The following BBS5 variants were observed in gnomAD, a reference collection of about 807,000 sequenced individuals.
BBS5 encodes the protein Bardet-Biedl syndrome 5.
Under a neutral mutation model 50.2 loss-of-function variants are expected in BBS5, and 39 were observed. The observed-to-expected ratio is 0.78, with a 90% confidence interval of 0.60 to 1.01. The LOEUF (loss-of-function observed/expected upper bound fraction) is 1.01. Ranked by LOEUF, BBS5 falls within the 50% of genes least tolerant of loss-of-function variation. The pLI is 0.00. For missense variants in BBS5, 356 were observed against 401.5 expected (o/e 0.89, Z 0.97); for synonymous variants, 134 against 133.1 (o/e 1.01, Z -0.05).
At position 169,503,855 on chromosome 2, in the gene BBS5, T is replaced by C. The variant is rs1359666210; in HGVS notation, c.901-448T>C. Among the ~76,000 whole-genome samples the C allele has an allele frequency of 7.9e-5, 12 of 152,342 alleles. No individual in the cohort carries two copies. In the East Asian group the frequency reaches 2.3e-3, roughly 29 times the overall value. On this transcript the variant is annotated intron_variant, in intron 10 of 11. Transcript: ENST00000295240. ...AGGTGTGAAATTAGTATAAAATAAT[T>C]ATAAACTACTACTGCCTCAAACTGT...
At chr2:169,481,882 C>T (rs912819344) in intron 1 of BBS5, among the ~76,000 whole-genome samples, 5 of 152,162 alleles carry the variant, frequency 3.3e-5, no homozygotes, top group African/African-American at 1.2e-4. Context: ...CTTAGTTATC[C>T]AACAATATTT....
chr2:169,497,906 CA>C (rs1683725085), intron 8 of BBS5, among the ~76,000 whole-genome samples: 1 of 152,154 alleles, frequency 6.6e-6, no homozygotes, highest in Non-Finnish European at 1.5e-5. Context: ...CATTTGTGAT[CA>C]TCACTTATTA....
At chr2:169,488,549 C>A (rs545157061) in intron 5 of BBS5, among the ~76,000 whole-genome samples, 4 of 152,336 alleles carry the variant, frequency 2.6e-5, no homozygotes, top group African/African-American at 7.2e-5. Flanking sequence ...CACTCACCCC[C>A]CAACCACTCA....
chr2:169,492,818 A>G, intron 5 of BBS5, 56 bp from the exon 6 acceptor site: 1 of 1,507,824 alleles, frequency 6.6e-7, no homozygotes, highest in Non-Finnish European at 9.1e-7. Context: ...AGTAAACATA[A>G]CCCAAGAAAA....
intron 9 of BBS5, among the ~76,000 whole-genome samples, chr2:169,502,501 T>C (rs1574344315): frequency 6.6e-6 from 1 of 152,342 alleles, no homozygotes; most frequent in South Asian, 2.1e-4. Flanking sequence ...CAACATAATA[T>C]TTAGTTATCG....
Position 169,487,853 on chromosome 2 carries a change from T to G in BBS5, c.256T>G (p.Ser86Ala), listed in dbSNP as rs1345821578. The change falls in exon 4 of 12, where the codon TCT (serine) becomes GCT (alanine). Residue 86 changes from serine (S) to alanine (A), a missense_variant and splice_region_variant. Ser to Ala is a moderately conservative substitution (Grantham distance 99, BLOSUM62 1). Coordinates refer to ENST00000295240, the MANE Select transcript of BBS5 (RefSeq NM_152384.3). ...GAATATTACAACAAGGACTGCTAAC[T>G]CTGTAAGTCTAAAAAATCTTATTGC... ...ILNITTRTAN[S>A]KLRGQTEALY... 1.2e-6 allele frequency: 2 copies of G among 1,604,136 alleles called. No individual in the cohort carries two copies. The highest frequency in any genetic ancestry group is 1.7e-6 in the Non-Finnish European group (2 of 1,171,794).
At chr2:169,495,858 A>G (rs1392247118) in intron 7 of BBS5, among the ~76,000 whole-genome samples, 4 of 152,104 alleles carry the variant, frequency 2.6e-5, no homozygotes, top group African/African-American at 9.7e-5. Context: ...GGGTTTCACC[A>G]TGTTTCCCAG....
intron 11 of BBS5, 34 bp from the exon 12 acceptor site, chr2:169,504,447 C>G (rs746175013): frequency 4.4e-6 from 7 of 1,595,538 alleles, no homozygotes; most frequent in Middle Eastern, 1.7e-4. Flanking sequence ...CCCACCTTCT[C>G]TATTCCCATC....
intron 9 of BBS5, among the ~76,000 whole-genome samples, chr2:169,499,866 G>C (rs1299027961): frequency 6.6e-6 from 1 of 152,204 alleles, no homozygotes; most frequent in African/African-American, 2.4e-5. Context: ...GCAGCCACCT[G>C]AGTAAATTTC....
chr2:169,505,734 C>T lies in BBS5; in HGVS notation c.*1152C>T. Reference sequence around the variant, plus strand: ...CCCCTCTGCCCAGCAGCCGCCCCGTCTGAGAAGTGAGGAGCCCCTCTGCCC... The same window carrying T: ...CCCCTCTGCCCAGCAGCCGCCCCGTTTGAGAAGTGAGGAGCCCCTCTGCCC... On this transcript the variant is annotated 3_prime_UTR_variant, in exon 12 of 12. Coordinates refer to ENST00000295240, the MANE Select transcript of BBS5 (RefSeq NM_152384.3). The T allele has an allele frequency of 5.1e-6, 1 of 196,126 alleles. No homozygotes were observed. Among genetic ancestry groups the T allele is most frequent in the South Asian group, 7.6e-5 (1 of 13,230 alleles). 12.1% of individuals were successfully genotyped at this position (196,126 alleles called of 1,614,324 possible). A position where few individuals can be genotyped will look rare whatever the true frequency, so the allele number is the denominator to read the frequency against.
chr2:169,490,541 C>A (rs1683578492), intron 5 of BBS5, among the ~76,000 whole-genome samples: 1 of 152,050 alleles, frequency 6.6e-6, no homozygotes, highest in Non-Finnish European at 1.5e-5. Context: ...TAATTATACC[C>A]TTAGCTGTCA....
At chr2:169,503,226 A>C in intron 10 of BBS5, 48 bp downstream of exon 10, 11 of 1,434,708 alleles carry the variant, frequency 7.7e-6, no homozygotes, top group Non-Finnish European at 9.7e-6. Flanking sequence ...ATTTTATCTC[A>C]GTCTTGTTTA....
At chr2:169,488,274 TACATTTATTGTGC>T (rs1480579416) in intron 5 of BBS5, among the ~76,000 whole-genome samples, 160 bp downstream of exon 5, 6 of 152,234 alleles carry the variant, frequency 3.9e-5, no homozygotes, top group Non-Finnish European at 1.5e-5. Context: ...TCAAGTGTAT[TACATTTATTGTGC>T]ACTTTATTTC....
intron 9 of BBS5, among the ~76,000 whole-genome samples, chr2:169,501,573 C>T (rs907098182): frequency 6.6e-6 from 1 of 152,060 alleles, no homozygotes; most frequent in Non-Finnish European, 1.5e-5. Context: ...CCTGTCTCTA[C>T]TAAATTTTTT....
intron 6 of BBS5, 103 bp downstream of exon 6, chr2:169,493,112 C>A: frequency 1.5e-6 from 2 of 1,355,560 alleles, no homozygotes; most frequent in Non-Finnish European, 2.1e-6. Flanking sequence ...TTAAAATTAG[C>A]ATTATAGGAA....
At position 169,497,673 on chromosome 2, in the gene BBS5, T is replaced by G. The variant is rs1464194082; in HGVS notation, c.665T>G (p.Ile222Arg). Residue 222 changes from isoleucine (I) to arginine (R), a missense_variant, in exon 8 of 12, where the codon ATA becomes AGA. Physicochemically the swap from Ile to Arg is moderately conservative, Grantham distance 97. Coordinates refer to ENST00000295240, the MANE Select transcript of BBS5 (RefSeq NM_152384.3). ...TCAAAATTTGGTTTAGCTCTTGTCA[T>G]AGAAAGCTCTCAGCAGGTAAGATCT... Reference protein sequence around the residue: ...RDSKFGLALVIESSQQSGGYV... With the variant: ...RDSKFGLALVRESSQQSGGYV... The G allele has an allele frequency of 6.3e-7, 1 of 1,595,040 alleles. No individual in the cohort carries two copies. The highest frequency in any genetic ancestry group is 1.3e-5 in the African/African-American group (1 of 74,520).
At chr2:169,479,645 C>A (rs1250828498) in intron 1 of BBS5, 33 bp downstream of exon 1, 1 of 1,612,562 alleles carries the variant, frequency 6.2e-7, no homozygotes. Flanking sequence ...GGATCTTCAA[C>A]CCTGTAGAGG....
At chr2:169,479,723 G>A (rs905670249) in intron 1 of BBS5, 111 bp downstream of exon 1, 9 of 1,239,554 alleles carry the variant, frequency 7.3e-6, no homozygotes, top group Non-Finnish European at 1.0e-5. Context: ...CCCTGGTGAG[G>A]GTGGGAGGCT....
chr2:169,482,416 A>C, intron 2 of BBS5, 83 bp downstream of exon 2: 1 of 919,030 alleles, frequency 1.1e-6, no homozygotes, highest in Non-Finnish European at 1.8e-6. Context: ...TATATGAAAC[A>C]GCATCATTTG....
Sources: gnomAD v4.1 joint callset for allele counts (sites outside exome capture counted in the v4.1 genomes callset) on GRCh38, gnomAD v4.1.1 for gene constraint, MANE v1.5 for transcripts, NCBI Gene and HGNC (gene_info 2026-07-23, HGNC 2026-07-21) for gene names.